ZMYM3: variants seen among roughly 807,000 people sequenced by gnomAD.
ZMYM3 encodes zinc finger MYM-type protein 3.
ZMYM3 carries 6 observed loss-of-function variants against 94.2 expected under a neutral mutation model. The ratio of observed to expected loss-of-function variants is 0.06; its 90% confidence interval spans 0.03 to 0.13. The LOEUF is 0.13. Ranked by LOEUF, ZMYM3 falls within the 10% of genes least tolerant of loss-of-function variation. The pLI is 1.00. For missense variants in ZMYM3, 664 were observed against 1,132.6 expected (o/e 0.59, Z 5.94); for synonymous variants, 420 against 426.5 (o/e 0.98, Z 0.19).
Position 71,250,217 on chromosome X carries a change from C to G in ZMYM3, c.1074-14G>C, listed in dbSNP as rs749473479. 1 of 1,155,082 alleles carries G rather than the reference C, an allele frequency of 8.7e-7. No individual in the cohort carries two copies. The highest frequency in any genetic ancestry group is 1.8e-5 in the African/African-American group (1 of 55,289). On this transcript the variant is annotated splice_polypyrimidine_tract_variant and intron_variant, in intron 5 of 24. Coordinates refer to ENST00000314425, the MANE Select transcript of ZMYM3 (RefSeq NM_201599.3). Reference sequence around the variant, plus strand: ...TTCCAGATCTCCCTAGAGGTGGGAACAGGTTTGAATATTCACTCAAGACCA... The same window carrying G: ...TTCCAGATCTCCCTAGAGGTGGGAAGAGGTTTGAATATTCACTCAAGACCA...
chrX:71,245,840 C>T lies in ZMYM3; in HGVS notation c.2688G>A (p.Val896=). 2 of 1,207,662 alleles carry T rather than the reference C, an allele frequency of 1.7e-6. No individual in the cohort carries two copies. The highest frequency in any genetic ancestry group is 1.8e-5 in the South Asian group (1 of 56,580). The change falls in exon 17 of 25, where the codon GTG becomes GTA. Residue 896 remains valine, a splice_region_variant and synonymous_variant. Coordinates refer to ENST00000314425, the MANE Select transcript of ZMYM3 (RefSeq NM_201599.3). ...TAGTGGGCAAGAACATGGGCACAGG[C>T]ACCTGGAGGCACGAATCCCAACTAA... ...VPVPFSMPIP[V]PVPMFLPTTL...
chrX:71,243,707 C>T (rs964482308), intron 21 of ZMYM3, 122 bp downstream of exon 21: 259 of 949,497 alleles, frequency 2.7e-4, no homozygotes, highest in Non-Finnish European at 3.6e-4. Flanking sequence ...CCTCCTGCCT[C>T]AGCCTCCCAA....
chrX:71,254,984 C>CTCTCAACA (rs1298797665), upstream of ZMYM3: 1 of 110,101 alleles, frequency 9.1e-6, no homozygotes, highest in African/African-American at 3.3e-5. Context: ...ACCCCCTACT[C>CTCTCAACA]TCTCAACAGT....
chrX:71,250,084 G>A lies in ZMYM3; in HGVS notation c.1193C>T (p.Pro398Leu). The A allele has an allele frequency of 8.3e-7, 1 of 1,204,388 alleles. No individual in the cohort carries two copies. The highest frequency in any genetic ancestry group is 1.1e-6 in the Non-Finnish European group (1 of 892,558). Residue 398 changes from proline (P) to leucine (L), a missense_variant, in exon 6 of 25, where the codon CCC becomes CTC. By Grantham distance (98) the Pro-to-Leu change is moderately conservative. Transcript: ENST00000314425. ...AGCGTCGGCGGGATCCCCAGACTGG[G>A]GGATCGGGCGCTGCTGCTGGGCCTC... The part of the protein sequence containing the change: ...LYEAQQQRPI[P>L]QSGDPADATR...
At chrX:71,241,749 G>A (rs1452019794) in intron 23 of ZMYM3, among the ~76,000 whole-genome samples, 7 of 111,534 alleles carry the variant, frequency 6.3e-5, no homozygotes, top group Non-Finnish European at 1.9e-5. Context: ...AAGGACCTTG[G>A]AAACTTCACT....
At chrX:71,242,565 G>A (rs2029993201) in intron 22 of ZMYM3, 141 bp from the exon 23 acceptor site, 3 of 751,804 alleles carry the variant, frequency 4.0e-6, no homozygotes, top group Non-Finnish European at 3.8e-6. Flanking sequence ...CTGTCACTTC[G>A]CTACACTTGC....
At chrX:71,247,621 A>T (rs977412052) in intron 12 of ZMYM3, 111 bp from the exon 13 acceptor site, 3 of 1,138,266 alleles carry the variant, frequency 2.6e-6, no homozygotes, top group Middle Eastern at 6.9e-4. Flanking sequence ...CAGCTTAGAG[A>T]TGGAAGGCTG....
At chrX:71,254,250 G>GC (rs903245797), upstream of ZMYM3, 4 of 112,868 alleles carry the variant, frequency 3.5e-5, no homozygotes, top group African/African-American at 1.3e-4. Flanking sequence ...GACAGCGCCG[G>GC]CCCCCGGCGC....
rs1020812701 is a variant in ZMYM3 at position 71,252,883 on chromosome X, G to A, written c.373C>T (p.Pro125Ser). 1.7e-5 allele frequency: 21 copies of A among 1,208,968 alleles called. No individual in the cohort carries two copies. In the Admixed American group the frequency reaches 2.8e-4, roughly 16 times the overall value. ...GPGGQTPEVV[P>S]PDPGAGANSC... Reference sequence around the variant, plus strand: ...TTTGCCCCAGCCCCTGGATCAGGTGGTACCACCTCAGGGGTCTGGCCCCCT... The same window carrying A: ...TTTGCCCCAGCCCCTGGATCAGGTGATACCACCTCAGGGGTCTGGCCCCCT... The change falls in exon 2 of 25, where the codon CCA becomes TCA. Residue 125 changes from proline (P) to serine (S), a missense_variant. This residue lies in a region of ZMYM3 where 196 missense variants were observed against 190.8 expected (regional missense o/e 1.03). Transcript: ENST00000314425.
At chrX:71,249,292 C>T (rs772484881) in intron 7 of ZMYM3, 123 bp from the exon 8 acceptor site, 12 of 1,156,769 alleles carry the variant, frequency 1.0e-5, no homozygotes, top group Non-Finnish European at 1.4e-5. Flanking sequence ...GTAACAAAGA[C>T]CTGTGTATCC....
Position 71,250,882 on chromosome X carries a change from T to G in ZMYM3, c.779-156A>C, listed in dbSNP as rs188524330. Among the ~76,000 whole-genome samples the G allele has an allele frequency of 3.0e-3, 337 of 111,291 alleles. 1 individual carries two copies. The highest frequency in any genetic ancestry group is 0.01 in the African/African-American group (320 of 30,548). ...CAGTATCTTAAGACCTTGGTGTCTC[T>G]CTCCCTTGGTTACTCTGTAACCTCC... On this transcript the variant is annotated intron_variant, in intron 4 of 24. Coordinates refer to ENST00000314425, the MANE Select transcript of ZMYM3 (RefSeq NM_201599.3).
At chrX:71,250,401 C>A in intron 5 of ZMYM3, 31 bp downstream of exon 5, 4 of 1,178,458 alleles carry the variant, frequency 3.4e-6, no homozygotes, top group Non-Finnish European at 4.6e-6. Context: ...AGATCCCTGC[C>A]CTCTGCATAG....
intron 22 of ZMYM3, 98 bp from the exon 23 acceptor site, chrX:71,242,522 C>A (rs763716285): frequency 1.2e-5 from 13 of 1,066,860 alleles, no homozygotes; most frequent in African/African-American, 1.1e-4. Context: ...CCACACAATT[C>A]TCATTTGGTG....
chrX:71,247,548 A>G, intron 12 of ZMYM3, 38 bp from the exon 13 acceptor site: 1 of 1,190,832 alleles, frequency 8.4e-7, no homozygotes, highest in African/African-American at 1.7e-5. Context: ...CTGCCTCCCT[A>G]AAATGCGTTG....
At chrX:71,252,273 G>A (rs1390858387) in intron 2 of ZMYM3, among the ~76,000 whole-genome samples, 1 of 111,059 alleles carries the variant, frequency 9.0e-6, no homozygotes, top group African/African-American at 3.3e-5. Flanking sequence ...AAATCCTGAA[G>A]GAAGGACTCT....
At chrX:71,253,574 C>A (rs1267941240) in intron 1 of ZMYM3, among the ~76,000 whole-genome samples, 1 of 77,703 alleles carries the variant, frequency 1.3e-5, no homozygotes, top group Non-Finnish European at 2.4e-5. Flanking sequence ...CCCCCCTTAC[C>A]TTTTACCCCC....
intron 16 of ZMYM3, 28 bp from the exon 17 acceptor site, chrX:71,245,870 C>A (rs2030144509): frequency 1.7e-6 from 2 of 1,204,345 alleles, no homozygotes; most frequent in Non-Finnish European, 2.2e-6. Flanking sequence ...AACTAAATGC[C>A]AAGAACCACA....
chrX:71,249,748 C>A, intron 6 of ZMYM3, 69 bp from the exon 7 acceptor site: 1 of 1,155,375 alleles, frequency 8.7e-7, no homozygotes. Context: ...GCAAGGTCAG[C>A]CCCCCACCTC....
rs751736932 is a variant in ZMYM3, at chrX:71,244,817, T to C, written c.3084A>G (p.Glu1028=). ...GLVGPEDVST[E]QDLPRTMRKG... is the part of the protein sequence containing the mutation. Reference sequence around the variant, plus strand: ...TCCTCATGGTTCGGGGAAGGTCTTGTTCAGTAGACACATCCTCAGGCCCTA... The same window carrying C: ...TCCTCATGGTTCGGGGAAGGTCTTGCTCAGTAGACACATCCTCAGGCCCTA... Residue 1028 remains glutamate, a synonymous_variant, in exon 19 of 25, where the codon GAA becomes GAG. Coordinates refer to ENST00000314425, the MANE Select transcript of ZMYM3 (RefSeq NM_201599.3). 8.3e-7 allele frequency: 1 copy of C among 1,205,941 alleles called. No homozygotes were observed. Among genetic ancestry groups the C allele is most frequent in the African/African-American group, 1.8e-5 (1 of 56,812 alleles).
Sources: gnomAD v4.1 joint callset for allele counts (sites outside exome capture counted in the v4.1 genomes callset) on GRCh38, gnomAD v4.1.1 for gene constraint, gnomAD v4.1.1 regional missense constraint, MANE v1.5 for transcripts, NCBI Gene and HGNC (gene_info 2026-07-23, HGNC 2026-07-21) for gene names.